Variants in EXO1 observed in about 807,000 individuals in gnomAD.
EXO1 encodes the protein exonuclease 1.
A neutral mutation model predicts 84.5 loss-of-function variants in EXO1; 69 were observed. The ratio of observed to expected loss-of-function variants is 0.82; its 90% confidence interval spans 0.67 to 1.00. EXO1 has a LOEUF of 1.00. Among genes scored for constraint, EXO1 ranks in the 50% least tolerant of loss-of-function variants. The pLI, the probability that EXO1 is intolerant of heterozygous loss-of-function variation, is 0.00. For missense variants in EXO1, 1,045 were observed against 1,000.7 expected (o/e 1.04, Z -0.60); for synonymous variants, 373 against 366.1 (o/e 1.02, Z -0.21).
chr1:241,888,608 A>G (rs1469780768), intron 15 of EXO1, among the ~76,000 whole-genome samples: 1 of 152,258 alleles, frequency 6.6e-6, no homozygotes, highest in African/African-American at 2.4e-5. Context: ...CTAGACAGAA[A>G]TTAAGGGTGC....
chr1:241,884,675 G>GCACC (rs1558147898), intron 14 of EXO1, among the ~76,000 whole-genome samples: 2 of 8,716 alleles, frequency 2.3e-4, no homozygotes, highest in Admixed American at 2.9e-3. Flanking sequence ...GTGTGTGTGT[G>GCACC]TGCACGTGCA....
At chr1:241,854,439 TTAAAGGTATGATGG>T (rs1310007111) in intron 6 of EXO1, 1 of 152,234 alleles carries the variant, frequency 6.6e-6, no homozygotes, top group Non-Finnish European at 1.5e-5. Context: ...ACCTGGCCTG[TTAAAGGTATGATGG>T]TAAAGGTGAA....
chr1:241,857,338 C>T lies in EXO1; in HGVS notation c.406-7C>T, dbSNP rs1229177999. 1.2e-6 allele frequency: 2 copies of T among 1,612,522 alleles called. No homozygotes were observed. The highest frequency in any genetic ancestry group is 1.7e-6 in the Non-Finnish European group (2 of 1,179,146). On this transcript the variant is annotated splice_region_variant and splice_polypyrimidine_tract_variant and intron_variant, in intron 6 of 15. Transcript: ENST00000366548. ...TGCTAGAGATTCACTGTGATTCTCT[C>T]TTCTAGGCTGCCCGGTCTCAGGGGG...
At chr1:241,865,421 G>T (rs1411950894) in intron 10 of EXO1, among the ~76,000 whole-genome samples, 7 of 151,554 alleles carry the variant, frequency 4.6e-5, no homozygotes, top group Non-Finnish European at 4.4e-5. Flanking sequence ...ATATTGGTCA[G>T]GCTGGTCTCA....
rs1662163715 is a variant in EXO1 at position 241,872,362 on chromosome 1, T to A, written c.1514+84T>A. 4 of 1,429,868 alleles carry A rather than the reference T, an allele frequency of 2.8e-6. No homozygotes were observed. In the East Asian group the frequency reaches 7.0e-5, roughly 25 times the overall value. 88.6% of individuals were successfully genotyped at this position (1,429,868 alleles called of 1,614,324 possible). A position where few individuals can be genotyped will look rare whatever the true frequency, so the allele number is the denominator to read the frequency against. Reference sequence around the variant, plus strand: ...TATTTTGTCTTTTTTTAGAATTAATTTATTTATTATACTTTAAGTTCTGGG... The same window carrying A: ...TATTTTGTCTTTTTTTAGAATTAATATATTTATTATACTTTAAGTTCTGGG... On this transcript the variant is annotated intron_variant, in intron 12 of 15. Coordinates refer to ENST00000366548, the MANE Select transcript of EXO1 (RefSeq NM_130398.4).
At chr1:241,869,164 A>G (rs753192210) in intron 11 of EXO1, among the ~76,000 whole-genome samples, 5 of 152,182 alleles carry the variant, frequency 3.3e-5, no homozygotes, top group South Asian at 2.1e-4. Flanking sequence ...AAGATTTCCT[A>G]TGAGCCACAG....
intron 6 of EXO1, among the ~76,000 whole-genome samples, chr1:241,855,280 C>A (rs987358565): frequency 6.6e-6 from 1 of 152,042 alleles, no homozygotes; most frequent in African/African-American, 2.4e-5. Flanking sequence ...CTCCACTGTC[C>A]CCATCAGATT....
chr1:241,854,275 T>A (rs1660833934), intron 6 of EXO1, among the ~76,000 whole-genome samples: 1 of 152,164 alleles, frequency 6.6e-6, no homozygotes, highest in Non-Finnish European at 1.5e-5. Context: ...GTAGCTGGGA[T>A]TACAGGCATG....
At chr1:241,869,477 G>A (rs964929419) in intron 11 of EXO1, among the ~76,000 whole-genome samples, 45 of 152,102 alleles carry the variant, frequency 3.0e-4, no homozygotes, top group African/African-American at 1.0e-3. Context: ...CATCTACATC[G>A]GTGAATGAAA....
intron 9 of EXO1, 128 bp downstream of exon 9, chr1:241,860,832 C>G (rs117139159): frequency 1.3e-6 from 1 of 762,986 alleles, no homozygotes; most frequent in East Asian, 2.6e-5. Context: ...ATAGTGAAAT[C>G]TGTATATTGT....
Position 241,861,408 on chromosome 1 carries a change from A to C in EXO1, c.947A>C (p.Tyr316Ser), listed in dbSNP as rs760783766. 1.4e-6 allele frequency: 2 copies of C among 1,422,544 alleles called. No individual in the cohort carries two copies. Among genetic ancestry groups the C allele is most frequent in the Non-Finnish European group, 2.0e-6 (2 of 1,005,092 alleles). 88.1% of individuals were successfully genotyped at this position (1,422,544 alleles called of 1,614,324 possible). A position where few individuals can be genotyped will look rare whatever the true frequency, so the allele number is the denominator to read the frequency against. ...TTTCCTTAATCTTGCTAATCTAGATATGTTGATGATTCCATAGCTCTTCAA... is the reference window on the plus strand; with the variant it reads ...TTTCCTTAATCTTGCTAATCTAGATCTGTTGATGATTCCATAGCTCTTCAA... ...DPETLSYAGQ[Y>S]VDDSIALQIA... The change falls in exon 10 of 16, where the codon TAT becomes TCT. Residue 316 changes from tyrosine (Y) to serine (S), a missense_variant and splice_region_variant. Tyr to Ser is a moderately radical substitution (Grantham distance 144). Coordinates refer to ENST00000366548, the MANE Select transcript of EXO1 (RefSeq NM_130398.4).
intron 10 of EXO1, among the ~76,000 whole-genome samples, chr1:241,865,156 C>T (rs1300571620): frequency 6.7e-6 from 1 of 150,176 alleles, no homozygotes; most frequent in East Asian, 2.0e-4. Flanking sequence ...ACATGTGGAG[C>T]CACCACACCT....
chr1:241,889,214 T>C (rs1428435317), intron 15 of EXO1, among the ~76,000 whole-genome samples: 1 of 152,196 alleles, frequency 6.6e-6, no homozygotes, highest in Non-Finnish European at 1.5e-5. Flanking sequence ...TTAGCTAATA[T>C]ATCTAGTGGT....
In EXO1 at chr1:241,852,803, C is replaced by T. The variant is rs952930259; in HGVS notation, c.281+392C>T. On this transcript the variant is annotated intron_variant, in intron 5 of 15. Coordinates refer to ENST00000366548, the MANE Select transcript of EXO1 (RefSeq NM_130398.4). ...TCCCGAGTAGCTGGGACTACAGGCA[C>T]GTGCCACCACACCCGGCTAATTTTT... 1.3e-4 allele frequency among the ~76,000 whole-genome samples: 20 copies of T among 152,168 alleles called. No homozygotes were observed. In the East Asian group the frequency reaches 2.9e-3, roughly 22 times the overall value.
intron 11 of EXO1, among the ~76,000 whole-genome samples, chr1:241,868,486 CAA>C (rs2148465790): frequency 6.6e-6 from 1 of 150,998 alleles, no homozygotes; most frequent in South Asian, 2.1e-4. Flanking sequence ...TATCGTAAAA[CAA>C]AAAATAAATA....
chr1:241,867,485 A>G (rs1288778549), intron 11 of EXO1, among the ~76,000 whole-genome samples: 1 of 152,216 alleles, frequency 6.6e-6, no homozygotes, highest in East Asian at 1.9e-4. Flanking sequence ...TGGGAGATAC[A>G]ATTCAAGATG....
chr1:241,861,711 CTG>C (rs1253686821), intron 10 of EXO1, among the ~76,000 whole-genome samples: 1 of 152,114 alleles, frequency 6.6e-6, no homozygotes, highest in East Asian at 1.9e-4. Context: ...TAAGAAGTGA[CTG>C]TTATTTATTA....
chr1:241,878,301 C>A (rs1036431399), intron 12 of EXO1, among the ~76,000 whole-genome samples: 3 of 152,172 alleles, frequency 2.0e-5, no homozygotes, highest in African/African-American at 7.2e-5. Context: ...GAGTTTGAGA[C>A]CAGCCTGACC....
At chr1:241,881,137 C>T (rs1662725178) in intron 13 of EXO1, among the ~76,000 whole-genome samples, 1 of 152,128 alleles carries the variant, frequency 6.6e-6, no homozygotes, top group African/African-American at 2.4e-5. Context: ...AAGCGATTCT[C>T]CCACCTCAGC....
Sources: gnomAD v4.1 joint callset for allele counts (sites outside exome capture counted in the v4.1 genomes callset) on GRCh38, gnomAD v4.1.1 for gene constraint, MANE v1.5 for transcripts, NCBI Gene and HGNC (gene_info 2026-07-23, HGNC 2026-07-21) for gene names.